The following BAALC variants were observed in gnomAD, a reference collection of about 807,000 sequenced individuals.
BAALC encodes the protein BAALC binder of MAP3K1 and KLF4, also known as brain and acute leukemia cytoplasmic protein.
A neutral mutation model predicts 15.5 loss-of-function variants in BAALC; 9 were observed. That is an observed-to-expected ratio of 0.58 (90% confidence interval 0.35 to 1.02). BAALC has a LOEUF of 1.02. Ranked by LOEUF, BAALC falls within the 50% of genes least tolerant of loss-of-function variation. The pLI, the probability that BAALC is intolerant of heterozygous loss-of-function variation, is 0.02. For synonymous variants in BAALC, 80 were observed against 74.6 expected (o/e 1.07, Z -0.37); for missense variants, 201 against 192.4 (o/e 1.04, Z -0.27).
intron 1 of BAALC, among the ~76,000 whole-genome samples, chr8:103,199,726 G>A (rs1362573668): frequency 6.6e-6 from 1 of 151,926 alleles, no homozygotes; most frequent in Admixed American, 6.6e-5. Context: ...TTGTGTCATG[G>A]GGGTTTGTTG....
intron 1 of BAALC, among the ~76,000 whole-genome samples, chr8:103,189,885 G>A (rs967818653): frequency 5.9e-5 from 9 of 152,188 alleles, no homozygotes; most frequent in East Asian, 1.9e-4. Context: ...TCTTCCTGTC[G>A]TGATTAGGAT....
intron 1 of BAALC, among the ~76,000 whole-genome samples, chr8:103,170,524 T>C (rs571316444): frequency 6.4e-4 from 98 of 152,228 alleles, no homozygotes; most frequent in African/African-American, 2.2e-3. Context: ...GAGAATGCCA[T>C]GTGCAGTGAA....
intron 1 of BAALC, among the ~76,000 whole-genome samples, chr8:103,155,702 T>C (rs191534284): frequency 3.3e-5 from 5 of 152,212 alleles, no homozygotes; most frequent in Non-Finnish European, 2.9e-5. Context: ...GCTTCCCTAG[T>C]GGCTGCATAT....
intron 1 of BAALC, among the ~76,000 whole-genome samples, chr8:103,172,688 C>A (rs1020777864): frequency 1.3e-5 from 2 of 152,142 alleles, no homozygotes; most frequent in Non-Finnish European, 1.5e-5. Context: ...AGCCACCATG[C>A]CCAGCCTCTG....
chr8:103,148,050 G>A lies in BAALC; in HGVS notation c.160+6993G>A, dbSNP rs77620092. Among the ~76,000 whole-genome samples, 105 of 152,272 alleles carry A rather than the reference G, an allele frequency of 6.9e-4. No homozygotes were observed. In the East Asian group the frequency reaches 0.016, roughly 23 times the overall value. The stretch of plus-strand genomic sequence containing the variant: ...GATTTGTGTCTCCCCCAATTCACAT[G>A]TTGAAGCCCTAACCCCCTCTCTACC... On this transcript the variant is annotated intron_variant, in intron 1 of 2. Transcript: ENST00000309982.
intron 1 of BAALC, among the ~76,000 whole-genome samples, chr8:103,196,617 T>C (rs79286829): frequency 7.9e-5 from 12 of 152,258 alleles, no homozygotes; most frequent in African/African-American, 2.4e-4. Flanking sequence ...TGGCTACCCA[T>C]TGTAGAATGA....
intron 2 of BAALC, among the ~76,000 whole-genome samples, chr8:103,218,006 G>A (rs919858860): frequency 1.1e-4 from 17 of 152,172 alleles, no homozygotes; most frequent in African/African-American, 4.1e-4. Context: ...TGCTATGAAG[G>A]AAGTAGAAGG....
intron 1 of BAALC, among the ~76,000 whole-genome samples, chr8:103,170,868 G>T (rs1811467186): frequency 6.6e-6 from 1 of 152,110 alleles, no homozygotes; most frequent in Non-Finnish European, 1.5e-5. Context: ...AGAAATGGAA[G>T]GTGATTTTTC....
intron 1 of BAALC, among the ~76,000 whole-genome samples, chr8:103,143,687 AG>A (rs1235680693): frequency 6.6e-6 from 1 of 152,176 alleles, no homozygotes; most frequent in African/African-American, 2.4e-5. Context: ...GTCAAACTGA[AG>A]CCACCTTTTC....
In BAALC at chr8:103,172,428, G is replaced by T. The variant is rs529912348; in HGVS notation, c.160+31371G>T. ...TTTTTTTTTTTTGAGACAGAGTCTC[G>T]CTCTATTGCCCAGGCTGGAGTACAG... On this transcript the variant is annotated intron_variant, in intron 1 of 2. Coordinates refer to ENST00000309982, the MANE Select transcript of BAALC (RefSeq NM_024812.3). Among the ~76,000 whole-genome samples the T allele has an allele frequency of 3.9e-5, 5 of 129,264 alleles. 1 individual carries two copies. The South Asian group carries it at 7.1e-4, about 18-fold the overall frequency. The allele number at this position is 129,264 out of a possible 152,430, so 84.8% of individuals were successfully genotyped here.
At chr8:103,141,093 C>G in intron 1 of BAALC, 36 bp downstream of exon 1, 3 of 1,400,782 alleles carry the variant, frequency 2.1e-6, no homozygotes, top group Admixed American at 7.5e-5. Flanking sequence ...CTCGCCCGCC[C>G]GCTACCCCGG....
chr8:103,166,525 G>C (rs905577889), intron 1 of BAALC, among the ~76,000 whole-genome samples: 2 of 152,078 alleles, frequency 1.3e-5, no homozygotes, highest in African/African-American at 4.8e-5. Context: ...TTGTTTTTTT[G>C]TTTTTGGAAT....
At position 103,228,959 on chromosome 8, in the gene BAALC, T is replaced by G. The variant is rs1340487845; in HGVS notation, c.*860T>G. The stretch of plus-strand genomic sequence containing the variant: ...TATCGGGGTCACTTGCAATTGTTAA[T>G]CAAAGATTGAACACTGCGTAGGAGA... On this transcript the variant is annotated 3_prime_UTR_variant, in exon 3 of 3. Transcript: ENST00000309982. The G allele has an allele frequency of 6.6e-6, 1 of 152,270 alleles. No individual in the cohort carries two copies. The highest frequency in any genetic ancestry group is 1.5e-5 in the Non-Finnish European group (1 of 68,066). 9.4% of individuals were successfully genotyped at this position (152,270 alleles called of 1,614,324 possible).
intron 1 of BAALC, among the ~76,000 whole-genome samples, chr8:103,149,201 GAA>G (rs1810932986): frequency 6.6e-6 from 1 of 151,976 alleles, no homozygotes; most frequent in East Asian, 1.9e-4. Context: ...GGGCTTTTCT[GAA>G]AATATTAACC....
chr8:103,229,224 T>G lies in BAALC; in HGVS notation c.*1125T>G, dbSNP rs1247697853. 1 of 152,226 alleles carries G rather than the reference T, an allele frequency of 6.6e-6. No homozygotes were observed. The highest frequency in any genetic ancestry group is 1.5e-5 in the Non-Finnish European group (1 of 68,050). The allele number at this position is 152,226 out of a possible 1,614,324, so 9.4% of individuals were successfully genotyped here. ...TCTAGTATGTCTTGAAACATGTTCA[T>G]CTGGAAGTATTTTCCTCCAAAGTAA... is the stretch of plus-strand genomic sequence containing the variant. On this transcript the variant is annotated 3_prime_UTR_variant, in exon 3 of 3. Transcript: ENST00000309982.
intron 1 of BAALC, among the ~76,000 whole-genome samples, chr8:103,162,709 C>A (rs561617249): frequency 6.6e-6 from 1 of 152,078 alleles, no homozygotes; most frequent in Non-Finnish European, 1.5e-5. Context: ...AATCAGACTC[C>A]ACTTCTTAAT....
At chr8:103,155,920 C>G (rs560967502) in intron 1 of BAALC, among the ~76,000 whole-genome samples, 2 of 152,300 alleles carry the variant, frequency 1.3e-5, no homozygotes, top group South Asian at 2.1e-4. Context: ...GGTCCTAGAT[C>G]AGAGGTTAGC....
At chr8:103,159,503 C>T (rs1052168291) in intron 1 of BAALC, among the ~76,000 whole-genome samples, 1 of 152,120 alleles carries the variant, frequency 6.6e-6, no homozygotes, top group Non-Finnish European at 1.5e-5. Flanking sequence ...TCAGTTTCTC[C>T]CCTAGTATCC....
At position 103,169,191 on chromosome 8, in the gene BAALC, A is replaced by G. The variant is rs141169728; in HGVS notation, c.160+28134A>G. ...CTACTTTTTTGGAGATTTCTTCCAT[A>G]TTGTCTTCCAATTTTTCTTTTGAAT... On this transcript the variant is annotated intron_variant, in intron 1 of 2. Coordinates refer to ENST00000309982, the MANE Select transcript of BAALC (RefSeq NM_024812.3). Among the ~76,000 whole-genome samples, 978 of 151,632 alleles carry G rather than the reference A, an allele frequency of 6.4e-3. 22 individuals carry two copies. Among genetic ancestry groups the G allele is most frequent in the African/African-American group, 0.022 (918 of 41,334 alleles).
Sources: allele counts gnomAD v4.1 joint callset (sites outside exome capture counted in the v4.1 genomes callset), GRCh38; gene constraint gnomAD v4.1.1; transcripts MANE v1.5; gene names NCBI Gene and HGNC (gene_info 2026-07-23, HGNC 2026-07-21).